CTIF: variants seen among roughly 807,000 people sequenced by gnomAD.
CTIF encodes cap binding complex dependent translation initiation factor, also known as CBP80/20-dependent translation initiation factor.
Under a neutral mutation model 66.0 loss-of-function variants are expected in CTIF, and 21 were observed. The ratio of observed to expected loss-of-function variants is 0.32; its 90% CI spans 0.23 to 0.46. The LOEUF (loss-of-function observed/expected upper bound fraction) is 0.46. Among genes scored for constraint, CTIF ranks in the 20% least tolerant of loss-of-function variants. CTIF has a pLI of 1.00. For synonymous variants in CTIF, 345 were observed against 326.4 expected, an observed-to-expected ratio of 1.06 and a Z score of -0.62; for missense variants, 739 against 812.7, an observed-to-expected ratio of 0.91 and a Z score of 1.10.
chr18:48,763,437 C>T (rs1161831586), intron 9 of CTIF, among the ~76,000 whole-genome samples: 1 of 152,222 alleles, frequency 6.6e-6, no homozygotes, highest in Admixed American at 6.5e-5. Context: ...CCCTATGGCC[C>T]CTGCACTCAC....
rs757891949 is a variant in CTIF at position 48,711,625 on chromosome 18, C to T, written c.514C>T (p.His172Tyr). 2 of 1,613,992 alleles carry T rather than the reference C, an allele frequency of 1.2e-6. No individual in the cohort carries two copies. Among genetic ancestry groups the T allele is most frequent in the Admixed American group, 1.7e-5 (1 of 60,022 alleles). The part of the protein sequence containing the change: ...EKVLPAWQGY[H>Y]PMPHEVEIAH... The stretch of plus-strand genomic sequence containing the variant: ...TCCTCCCCCCATGACACAGGGCTAC[C>T]ACCCGATGCCCCATGAAGTGGAGAT... The change falls in exon 7 of 12, where the codon CAC becomes TAC. Residue 172 changes from histidine (H) to tyrosine (Y), a missense_variant. This residue lies in a region of CTIF where 529 missense variants were observed against 520.3 expected (regional missense o/e 1.02). Coordinates refer to ENST00000256413, the MANE Select transcript of CTIF (RefSeq NM_014772.3).
chr18:48,813,265 A>G (rs1013571119), intron 9 of CTIF, among the ~76,000 whole-genome samples: 3 of 152,210 alleles, frequency 2.0e-5, no homozygotes, highest in African/African-American at 4.8e-5. Context: ...TCGAATGCCT[A>G]TTCACACATC....
At chr18:48,542,628 T>G (rs2088647867) in intron 1 of CTIF, among the ~76,000 whole-genome samples, 1 of 152,198 alleles carries the variant, frequency 6.6e-6, no homozygotes, top group East Asian at 1.9e-4. Flanking sequence ...ATAGTTAAGT[T>G]GCAATGCAAT....
chr18:48,771,978 A>T (rs1477410990), intron 9 of CTIF, among the ~76,000 whole-genome samples: 3 of 152,230 alleles, frequency 2.0e-5, no homozygotes, highest in African/African-American at 7.2e-5. Context: ...CCTGCGGGTT[A>T]TGTAACTGCT....
intron 9 of CTIF, among the ~76,000 whole-genome samples, chr18:48,791,560 T>C (rs2067794021): frequency 6.7e-6 from 1 of 149,154 alleles, no homozygotes; most frequent in Non-Finnish European, 1.5e-5. Context: ...GGGCTCCCCT[T>C]AGTGGGAGCT....
chr18:48,688,985 G>A (rs1193925316), intron 6 of CTIF, among the ~76,000 whole-genome samples: 11 of 152,230 alleles, frequency 7.2e-5, no homozygotes, highest in South Asian at 2.1e-4. Flanking sequence ...GCTAATGGCC[G>A]AGGTTCCCGG....
At chr18:48,570,212 C>T (rs999689981) in intron 1 of CTIF, among the ~76,000 whole-genome samples, 1 of 152,162 alleles carries the variant, frequency 6.6e-6, no homozygotes, top group East Asian at 1.9e-4. Context: ...GAAAAGCACA[C>T]ATGAGGCTGG....
chr18:48,606,236 C>G (rs1397217687), intron 1 of CTIF, among the ~76,000 whole-genome samples: 1 of 152,226 alleles, frequency 6.6e-6, no homozygotes, highest in East Asian at 1.9e-4. Flanking sequence ...TACCCTATCT[C>G]AGCTCAACCT....
At chr18:48,797,992 CAGA>C (rs1409029741) in intron 9 of CTIF, among the ~76,000 whole-genome samples, 2 of 152,276 alleles carry the variant, frequency 1.3e-5, no homozygotes, top group Admixed American at 6.5e-5. Flanking sequence ...TGACCACAGT[CAGA>C]GTGTCTCTTA....
intron 3 of CTIF, among the ~76,000 whole-genome samples, chr18:48,638,236 G>A (rs909809449): frequency 3.3e-5 from 5 of 152,140 alleles, no homozygotes; most frequent in African/African-American, 1.2e-4. Flanking sequence ...CTTGGATTTG[G>A]GGACTCAAGC....
chr18:48,694,207 G>A (rs776173535), intron 6 of CTIF, among the ~76,000 whole-genome samples: 1 of 152,224 alleles, frequency 6.6e-6, no homozygotes, highest in African/African-American at 2.4e-5. Flanking sequence ...TGAGTCGGGG[G>A]CTTGGGAAGC....
At chr18:48,610,651 C>T (rs1408957725) in intron 1 of CTIF, among the ~76,000 whole-genome samples, 2 of 152,248 alleles carry the variant, frequency 1.3e-5, no homozygotes, top group Non-Finnish European at 2.9e-5. Context: ...GCACTGCAGG[C>T]CTGCTGAGCA....
At chr18:48,648,387 G>A (rs746656689) in intron 3 of CTIF, among the ~76,000 whole-genome samples, 2 of 151,944 alleles carry the variant, frequency 1.3e-5, no homozygotes, top group Non-Finnish European at 2.9e-5. Flanking sequence ...GCTCTGCCCT[G>A]CTGTTCTCCT....
intron 3 of CTIF, among the ~76,000 whole-genome samples, chr18:48,641,505 G>A (rs1048521531): frequency 3.9e-5 from 6 of 152,180 alleles, no homozygotes; most frequent in Non-Finnish European, 8.8e-5. Context: ...TGATGACTTT[G>A]AGTTTTGACT....
chr18:48,769,230 A>G (rs1160208626), intron 9 of CTIF, among the ~76,000 whole-genome samples: 3 of 152,246 alleles, frequency 2.0e-5, no homozygotes, highest in Admixed American at 2.0e-4. Flanking sequence ...AGGCACACCC[A>G]GGGATAGAAG....
chr18:48,815,958 C>T (rs538815606), intron 9 of CTIF, among the ~76,000 whole-genome samples: 2 of 152,230 alleles, frequency 1.3e-5, no homozygotes, highest in Non-Finnish European at 2.9e-5. Context: ...TTAGCAAGTA[C>T]TATTGACCTT....
intron 1 of CTIF, among the ~76,000 whole-genome samples, chr18:48,543,085 TC>T (rs753823344): frequency 3.3e-5 from 5 of 152,232 alleles, no homozygotes; most frequent in Non-Finnish European, 7.3e-5. Context: ...TTTTATCTAA[TC>T]CCAAACTCAC....
intron 3 of CTIF, among the ~76,000 whole-genome samples, chr18:48,638,657 C>G (rs1568094643): frequency 6.6e-6 from 1 of 152,222 alleles, no homozygotes; most frequent in Non-Finnish European, 1.5e-5. Context: ...TCCAGGCACC[C>G]TAACACCGCA....
At chr18:48,772,032 C>G (rs1301254979) in intron 9 of CTIF, among the ~76,000 whole-genome samples, 1 of 152,216 alleles carries the variant, frequency 6.6e-6, no homozygotes, top group Non-Finnish European at 1.5e-5. Flanking sequence ...CCAGCCACTA[C>G]CAAGAGAGAG....
Sources: allele counts gnomAD v4.1 joint callset (sites outside exome capture counted in the v4.1 genomes callset), GRCh38; gene constraint gnomAD v4.1.1; regional missense constraint gnomAD v4.1.1; transcripts MANE v1.5; gene names NCBI Gene and HGNC (gene_info 2026-07-23, HGNC 2026-07-21).